Variants in SOX5 observed in about 807,000 individuals in gnomAD.
SOX5 encodes the protein transcription factor SOX-5.
In SOX5, 9 loss-of-function variants were observed where a neutral mutation model predicts 92.0. That is an observed-to-expected ratio of 0.10 (90% confidence interval 0.06 to 0.17). SOX5 has a LOEUF of 0.17. Ranked by LOEUF, SOX5 falls within the 10% of genes least tolerant of loss-of-function variation. SOX5 has a pLI of 1.00. For missense variants in SOX5, 642 were observed against 944.5 expected (o/e 0.68, Z 4.20); for synonymous variants, 344 against 336.3 (o/e 1.02, Z -0.25).
intron 4 of SOX5, among the ~76,000 whole-genome samples, chr12:24,157,507 G>T (rs1952307887): frequency 6.6e-6 from 1 of 152,048 alleles, no homozygotes; most frequent in African/African-American, 2.4e-5. Context: ...ATCTCTAAAT[G>T]CTTACTTGTT....
In SOX5 at chr12:24,357,858, AG is replaced by A. The variant is rs201943898; in HGVS notation, c.-174+10704del. 5.8e-3 allele frequency among the ~76,000 whole-genome samples: 810 copies of A among 140,704 alleles called. 14 individuals carry two copies. The highest frequency in any genetic ancestry group is 0.019 in the South Asian group (80 of 4,110). 92.3% of individuals were successfully genotyped at this position (140,704 alleles called of 152,430 possible). ...TCCATCTCAAAAAAAAAAAAAAGAA[AG>A]AAGAAAAAAGAAAGCCTATTGAAAT... On this transcript the variant is annotated intron_variant, in intron 2 of 4. Transcript: ENST00000446891.
chr12:23,674,509 T>C (rs1033999726), intron 6 of SOX5, among the ~76,000 whole-genome samples: 5 of 151,696 alleles, frequency 3.3e-5, no homozygotes, highest in African/African-American at 7.3e-5. Flanking sequence ...GGCTAAGTTT[T>C]GTATTTTTAG....
At chr12:24,405,237 A>C (rs1962649222) in intron 1 of SOX5, among the ~76,000 whole-genome samples, 1 of 152,250 alleles carries the variant, frequency 6.6e-6, no homozygotes, top group East Asian at 1.9e-4. Flanking sequence ...TGCCATTTTT[A>C]GGATTAAAAA....
chr12:24,254,007 T>C (rs75698019), intron 3 of SOX5, among the ~76,000 whole-genome samples: 2,284 of 152,238 alleles, frequency 0.015, 37 homozygotes, highest in African/African-American at 0.046. Context: ...TGAATTAGTG[T>C]AAGGGCTTAG....
chr12:24,468,070 G>C (rs1373129214), intron 1 of SOX5, among the ~76,000 whole-genome samples: 1 of 152,236 alleles, frequency 6.6e-6, no homozygotes, highest in Non-Finnish European at 1.5e-5. Flanking sequence ...ACAACTGGGA[G>C]ATGAGGAAGC....
At chr12:23,958,718 G>A (rs1330084053) in intron 4 of SOX5, among the ~76,000 whole-genome samples, 2 of 84,566 alleles carry the variant, frequency 2.4e-5, no homozygotes, top group African/African-American at 3.2e-5. Context: ...AATTATGTGG[G>A]GATTTTAAGT....
chr12:23,946,816 C>A (rs188488713), intron 1 of SOX5, among the ~76,000 whole-genome samples: 32 of 152,042 alleles, frequency 2.1e-4, no homozygotes, highest in East Asian at 1.7e-3. Flanking sequence ...TAATCATAAT[C>A]AGTTTATCAC....
chr12:23,568,702 C>A (rs1412151671), intron 10 of SOX5, among the ~76,000 whole-genome samples: 2 of 152,038 alleles, frequency 1.3e-5, no homozygotes, highest in African/African-American at 2.4e-5. Context: ...TCTAAAGATA[C>A]AAGGCAGGCA....
At chr12:23,604,604 T>C (rs1301684541) in intron 8 of SOX5, 71 bp from the exon 9 acceptor site, 1 of 1,442,580 alleles carries the variant, frequency 6.9e-7, no homozygotes, top group Non-Finnish European at 9.7e-7. Context: ...ATTCAGAAAG[T>C]ACATATATTC....
At chr12:23,719,166 GATT>G (rs1160985004) in intron 6 of SOX5, among the ~76,000 whole-genome samples, 2 of 152,096 alleles carry the variant, frequency 1.3e-5, no homozygotes, top group African/African-American at 4.8e-5. Flanking sequence ...TTATTTCTGT[GATT>G]ATGATTATAT....
At chr12:23,995,200 C>A (rs1569441488) in intron 4 of SOX5, among the ~76,000 whole-genome samples, 1 of 152,104 alleles carries the variant, frequency 6.6e-6, no homozygotes, top group Non-Finnish European at 1.5e-5. Flanking sequence ...TTTTATTAGT[C>A]ACATAGTAAA....
chr12:23,563,958 A>C (rs992383551), intron 10 of SOX5, among the ~76,000 whole-genome samples: 6 of 152,186 alleles, frequency 3.9e-5, no homozygotes, highest in Non-Finnish European at 4.4e-5. Context: ...ATGGTGAAAT[A>C]AACCACAGGT....
chr12:24,150,679 T>C lies in SOX5; in HGVS notation c.-2+62664A>G, dbSNP rs117516516. On this transcript the variant is annotated intron_variant, in intron 4 of 4. Transcript: ENST00000446891. ...GTAGCTAGAAAGATAAAGAAAAAAC[T>C]AACCTAACATTTCTTAAAAGCCAAT... is the stretch of plus-strand genomic sequence containing the variant. Among the ~76,000 whole-genome samples the C allele has an allele frequency of 3.5e-4, 54 of 152,140 alleles. No homozygotes were observed. The East Asian group carries it at 0.01, about 29-fold the overall frequency.
chr12:24,392,739 C>A (rs1959124756), intron 1 of SOX5, among the ~76,000 whole-genome samples: 1 of 152,172 alleles, frequency 6.6e-6, no homozygotes, highest in Non-Finnish European at 1.5e-5. Context: ...TAGTATATTA[C>A]TGGCATTTAT....
At chr12:24,162,875 G>A (rs1159865350) in intron 4 of SOX5, among the ~76,000 whole-genome samples, 4 of 152,122 alleles carry the variant, frequency 2.6e-5, no homozygotes, top group South Asian at 4.1e-4. Context: ...ATCCACTTCC[G>A]ACAGAGAAGG....
intron 4 of SOX5, among the ~76,000 whole-genome samples, chr12:24,069,401 G>A (rs34211110): frequency 0.24 from 35,854 of 151,976 alleles, 4,613 homozygotes; most frequent in Non-Finnish European, 0.29. Flanking sequence ...TCTAAAATTA[G>A]AGTGTAATAA....
intron 6 of SOX5, 150 bp from the exon 7 acceptor site, chr12:23,665,714 G>A: frequency 1.2e-6 from 1 of 829,632 alleles, no homozygotes; most frequent in Non-Finnish European, 1.8e-6. Context: ...TTGAGGATAT[G>A]CTTTGGGACT....
At chr12:23,813,990 T>C (rs2095932578) in intron 3 of SOX5, among the ~76,000 whole-genome samples, 1 of 152,124 alleles carries the variant, frequency 6.6e-6, no homozygotes, top group African/African-American at 2.4e-5. Flanking sequence ...CAATAATGAA[T>C]TTTCAGACGA....
At chr12:24,131,153 G>A (rs1013605797) in intron 4 of SOX5, among the ~76,000 whole-genome samples, 35 of 152,116 alleles carry the variant, frequency 2.3e-4, no homozygotes, top group African/African-American at 7.7e-4. Context: ...AACCCAATTA[G>A]AGGTGAAGAT....
Sources: gnomAD v4.1 joint callset for allele counts (sites outside exome capture counted in the v4.1 genomes callset) on GRCh38, gnomAD v4.1.1 for gene constraint, MANE v1.5 for transcripts, NCBI Gene and HGNC (gene_info 2026-07-23, HGNC 2026-07-21) for gene names.